COL13A1: variants seen among roughly 807,000 people sequenced by gnomAD.
COL13A1 encodes the protein collagen alpha-1(XIII) chain.
In COL13A1, 89 loss-of-function variants were observed where a neutral mutation model predicts 130.9. The ratio of observed to expected loss-of-function variants is 0.68; its 90% CI spans 0.57 to 0.81. The LOEUF is 0.81. Ranked by LOEUF, COL13A1 falls within the 30% of genes least tolerant of loss-of-function variation. The pLI is 0.00. For missense variants in COL13A1, 879 were observed against 934.6 expected (o/e 0.94, Z 0.78); for synonymous variants, 402 against 341.6 (o/e 1.18, Z -1.95).
At chr10:69,903,991 G>A (rs1029646867) in intron 15 of COL13A1, among the ~76,000 whole-genome samples, 24 of 152,212 alleles carry the variant, frequency 1.6e-4, no homozygotes, top group African/African-American at 5.5e-4. Flanking sequence ...CCTTGGCTGG[G>A]AAGGCCAGCA....
At chr10:69,950,338 A>T (rs912428610) in intron 38 of COL13A1, among the ~76,000 whole-genome samples, 11 of 152,122 alleles carry the variant, frequency 7.2e-5, no homozygotes, top group African/African-American at 2.7e-4. Flanking sequence ...AGGCAACGTT[A>T]CTACTCTAAT....
intron 10 of COL13A1, among the ~76,000 whole-genome samples, chr10:69,891,104 C>T (rs557449880): frequency 7.2e-5 from 11 of 152,110 alleles, no homozygotes; most frequent in Non-Finnish European, 1.2e-4. Context: ...GGGATACAGA[C>T]GGGAGCAAGA....
At chr10:69,863,204 C>A (rs576175661) in intron 2 of COL13A1, among the ~76,000 whole-genome samples, 2 of 152,294 alleles carry the variant, frequency 1.3e-5, no homozygotes, top group South Asian at 4.2e-4. Context: ...ATCCCTGGCC[C>A]GTACCCACTA....
chr10:69,852,398 C>T (rs1855124162), intron 2 of COL13A1, among the ~76,000 whole-genome samples: 1 of 152,214 alleles, frequency 6.6e-6, no homozygotes, highest in Non-Finnish European at 1.5e-5. Context: ...TCATCTAATT[C>T]CTTCAACTCT....
In COL13A1 at chr10:69,928,362, C is replaced by T. The variant is rs528451952; in HGVS notation, c.1423-575C>T. On this transcript the variant is annotated intron_variant, in intron 27 of 40. Coordinates refer to ENST00000645393, the MANE Select transcript of COL13A1 (RefSeq NM_001368882.1). The stretch of plus-strand genomic sequence containing the variant: ...CTTCATGCACCTTGGGAGACACTCC[C>T]AGCCCCAGGCCACCACTGCTCTGCG... Among the ~76,000 whole-genome samples, 5 of 152,306 alleles carry T rather than the reference C, an allele frequency of 3.3e-5. No individual in the cohort carries two copies. In the South Asian group the frequency reaches 1.0e-3, roughly 32 times the overall value.
intron 1 of COL13A1, among the ~76,000 whole-genome samples, chr10:69,803,591 G>GC (rs1449069429): frequency 5.9e-5 from 9 of 152,188 alleles, no homozygotes; most frequent in African/African-American, 2.2e-4. Flanking sequence ...GCAGGTGGGG[G>GC]CCGCAGCAGT....
chr10:69,818,301 C>T (rs1191399273), intron 1 of COL13A1, among the ~76,000 whole-genome samples: 1 of 152,208 alleles, frequency 6.6e-6, no homozygotes, highest in East Asian at 1.9e-4. Flanking sequence ...CCAGAGAGGA[C>T]CTCAGCCCAA....
In COL13A1 at chr10:69,829,050, A is replaced by G. The variant is rs1404409336; in HGVS notation, c.364+6612A>G. On this transcript the variant is annotated intron_variant, in intron 2 of 40. Coordinates refer to ENST00000645393, the MANE Select transcript of COL13A1 (RefSeq NM_001368882.1). ...CCGCCTGGATCCTCAAACGGCACAC[A>G]ATGAAAGCCAGCACCTTCCCCCCAC... 2.6e-5 allele frequency among the ~76,000 whole-genome samples: 4 copies of G among 152,154 alleles called. No homozygotes were observed. In the East Asian group the frequency reaches 7.7e-4, roughly 29 times the overall value.
chr10:69,900,693 T>G (rs774750384), intron 14 of COL13A1, among the ~76,000 whole-genome samples: 4 of 152,222 alleles, frequency 2.6e-5, no homozygotes, highest in Admixed American at 6.5e-5. Flanking sequence ...TGAAATATGA[T>G]GTGCTTAGCA....
At chr10:69,833,021 G>C (rs1225213635) in intron 2 of COL13A1, among the ~76,000 whole-genome samples, 1 of 152,190 alleles carries the variant, frequency 6.6e-6, no homozygotes, top group Non-Finnish European at 1.5e-5. Context: ...GTGCCTCGAA[G>C]GTAGACCGCA....
At chr10:69,856,274 T>C (rs1856414832) in intron 2 of COL13A1, among the ~76,000 whole-genome samples, 1 of 152,208 alleles carries the variant, frequency 6.6e-6, no homozygotes, top group African/African-American at 2.4e-5. Context: ...CTGGCAATAC[T>C]TGGTTGCAGC....
At position 69,822,304 on chromosome 10, in the gene COL13A1, G is replaced by C. The variant is rs1443058246; in HGVS notation, c.295-65G>C. 4.5e-6 allele frequency: 6 copies of C among 1,330,104 alleles called. No individual in the cohort carries two copies. The East Asian group carries it at 1.1e-4, about 25-fold the overall frequency. 82.4% of individuals were successfully genotyped at this position (1,330,104 alleles called of 1,614,324 possible). ...TTCCTGCCCTCCTCGTCAGCCCACA[G>C]CTGCTTTCCAGGGCTTGGTGTCTAC... On this transcript the variant is annotated intron_variant, in intron 1 of 40. Transcript: ENST00000645393.
At chr10:69,905,071 A>G in intron 16 of COL13A1, 112 bp downstream of exon 16, 1 of 1,235,548 alleles carries the variant, frequency 8.1e-7, no homozygotes, top group Non-Finnish European at 1.1e-6. Context: ...ATCTCAGCTG[A>G]GAGACAGATC....
chr10:69,803,203 G>C (rs879301805), intron 1 of COL13A1, among the ~76,000 whole-genome samples: 3 of 152,224 alleles, frequency 2.0e-5, no homozygotes, highest in Non-Finnish European at 4.4e-5. Context: ...TTCTTGCAGG[G>C]GGTGGTGCCC....
At chr10:69,916,564 C>G (rs1418112003) in intron 17 of COL13A1, among the ~76,000 whole-genome samples, 1 of 152,170 alleles carries the variant, frequency 6.6e-6, no homozygotes, top group Non-Finnish European at 1.5e-5. Flanking sequence ...CTGATCTCAC[C>G]TTACTGTCAT....
chr10:69,866,448 C>A (rs544312096), intron 2 of COL13A1, among the ~76,000 whole-genome samples: 69 of 152,360 alleles, frequency 4.5e-4, no homozygotes, highest in Non-Finnish European at 8.7e-4. Flanking sequence ...GACATCTCCC[C>A]CAGCCAGGAG....
Position 69,924,966 on chromosome 10 carries a change from G to T in COL13A1, c.1288G>T (p.Glu430Ter). 6.3e-7 allele frequency: 1 copy of T among 1,590,534 alleles called. No individual in the cohort carries two copies. The highest frequency in any genetic ancestry group is 8.6e-7 in the Non-Finnish European group (1 of 1,169,014). The change falls in exon 25 of 41, where the codon GAG becomes TAG. Residue 430 changes from glutamate (E) to a stop codon, truncating the protein, a stop_gained. Transcript: ENST00000645393. LOFTEE classifies it high-confidence loss of function. Reference sequence around the variant, plus strand: ...CTCCAATTTTGTCATGCAACAGGGGGAGCGTGGAGCAGCTGGAGAACAGGG... The same window carrying T: ...CTCCAATTTTGTCATGCAACAGGGGTAGCGTGGAGCAGCTGGAGAACAGGG... ...GPPGQPGDKGERGAAGEQGPD... is the reference protein window; with the variant it reads ...GPPGQPGDKG
rs538394896 is a variant in COL13A1, at chr10:69,929,067, C to T, written c.1485+68C>T. 134 of 1,259,676 alleles carry T rather than the reference C, an allele frequency of 1.1e-4. No homozygotes were observed. The African/African-American group carries it at 1.3e-3, about 12-fold the overall frequency. The allele number at this position is 1,259,676 out of a possible 1,614,324, so 78.0% of individuals were successfully genotyped here. On this transcript the variant is annotated intron_variant, in intron 28 of 40. Coordinates refer to ENST00000645393, the MANE Select transcript of COL13A1 (RefSeq NM_001368882.1). ...CATCGACCCCAGGGCTTCCCCTCCC[C>T]CTGTGACCCTCTCATCTTCCCAGCA... is the stretch of plus-strand genomic sequence containing the variant.
chr10:69,839,019 C>T (rs572357672), intron 2 of COL13A1, among the ~76,000 whole-genome samples: 7 of 152,378 alleles, frequency 4.6e-5, no homozygotes, highest in Non-Finnish European at 1.0e-4. Context: ...AGACCTGACC[C>T]TGTCTCTAGA....
Sources: gnomAD v4.1 joint callset for allele counts (sites outside exome capture counted in the v4.1 genomes callset) on GRCh38, gnomAD v4.1.1 for gene constraint, MANE v1.5 for transcripts, NCBI Gene and HGNC (gene_info 2026-07-23, HGNC 2026-07-21) for gene names.